Variants in PALM2AKAP2 observed in about 807,000 individuals in gnomAD.
The protein encoded by PALM2AKAP2 is PALM2-AKAP2 fusion protein.
Under a neutral mutation model 71.5 loss-of-function variants are expected in PALM2AKAP2, and 37 were observed. That is an observed-to-expected ratio of 0.52 (90% confidence interval 0.40 to 0.68). The LOEUF is 0.68. Among genes scored for constraint, PALM2AKAP2 ranks in the 30% least tolerant of loss-of-function variants. The pLI, the probability that PALM2AKAP2 is intolerant of heterozygous loss-of-function variation, is 0.00. For missense variants in PALM2AKAP2, 1,224 were observed against 1,191.8 expected (o/e 1.03, Z -0.40); for synonymous variants, 468 against 478.8 (o/e 0.98, Z 0.29).
chr9:109,971,529 G>T (rs1832069062), intron 6 of PALM2AKAP2, among the ~76,000 whole-genome samples: 1 of 151,892 alleles, frequency 6.6e-6, no homozygotes, highest in African/African-American at 2.4e-5. Flanking sequence ...GGCTTCAAGC[G>T]ATTCTCCTGT....
intron 1 of PALM2AKAP2, among the ~76,000 whole-genome samples, chr9:109,644,715 C>A (rs947625091): frequency 6.6e-6 from 1 of 152,160 alleles, no homozygotes; most frequent in African/African-American, 2.4e-5. Context: ...GAATTTCTTC[C>A]ACCAGATGCC....
At chr9:110,146,494 A>G (rs1230216676) in intron 2 of PALM2AKAP2, among the ~76,000 whole-genome samples, 1 of 152,192 alleles carries the variant, frequency 6.6e-6, no homozygotes, top group Non-Finnish European at 1.5e-5. Context: ...CTTATGAGGA[A>G]TCAGACTCAG....
At chr9:109,877,544 G>A (rs984553276) in intron 2 of PALM2AKAP2, among the ~76,000 whole-genome samples, 8 of 152,128 alleles carry the variant, frequency 5.3e-5, no homozygotes, top group African/African-American at 1.9e-4. Context: ...TATTTTACTT[G>A]TTCTTTCTTA....
rs943328970 is a variant in PALM2AKAP2 at position 109,716,399 on chromosome 9, G to T, written c.6-64089G>T. On this transcript the variant is annotated intron_variant, in intron 1 of 6. Coordinates refer to the PALM2AKAP2 transcript ENST00000374531. ...TCTATTGTCTGGATCCACTCATTAGGCTGGAGAAGGGTTACCAGATAAAAT... is the reference window on the plus strand; with the variant it reads ...TCTATTGTCTGGATCCACTCATTAGTCTGGAGAAGGGTTACCAGATAAAAT... Among the ~76,000 whole-genome samples the T allele has an allele frequency of 2.6e-5, 4 of 152,178 alleles. No individual in the cohort carries two copies. In the East Asian group the frequency reaches 7.7e-4, roughly 29 times the overall value.
chr9:109,844,035 C>G (rs2131597801), intron 1 of PALM2AKAP2, among the ~76,000 whole-genome samples: 1 of 152,356 alleles, frequency 6.6e-6, no homozygotes, highest in East Asian at 1.9e-4. Context: ...CTTTCTCAAA[C>G]TGCCTTTTGA....
At chr9:109,849,150 G>A (rs1412660596) in intron 1 of PALM2AKAP2, among the ~76,000 whole-genome samples, 2 of 152,210 alleles carry the variant, frequency 1.3e-5, no homozygotes, top group South Asian at 2.1e-4. Context: ...CACAAAGTAT[G>A]TTATTTCCTA....
chr9:109,883,996 C>T (rs1461580728), intron 3 of PALM2AKAP2, among the ~76,000 whole-genome samples: 1 of 152,154 alleles, frequency 6.6e-6, no homozygotes, highest in Non-Finnish European at 1.5e-5. Flanking sequence ...AAGCCCAAAA[C>T]CAAGGGAAGA....
intron 1 of PALM2AKAP2, among the ~76,000 whole-genome samples, chr9:109,855,854 A>G (rs1829148806): frequency 6.6e-6 from 1 of 152,256 alleles, no homozygotes; most frequent in Admixed American, 6.5e-5. Context: ...TGATGGAATT[A>G]TAATAGACTT....
At chr9:109,823,267 A>G (rs1828059414) in intron 1 of PALM2AKAP2, among the ~76,000 whole-genome samples, 1 of 152,140 alleles carries the variant, frequency 6.6e-6, no homozygotes, top group Non-Finnish European at 1.5e-5. Context: ...CCAACCAGAG[A>G]TGGTCAAATG....
intron 6 of PALM2AKAP2, chr9:109,945,784 G>A (rs2132056525): frequency 6.6e-6 from 1 of 152,276 alleles, no homozygotes; most frequent in South Asian, 2.1e-4. Context: ...ATAATTCCCT[G>A]AAGGGACCTA....
chr9:109,975,475 G>T (rs921282730), intron 6 of PALM2AKAP2, among the ~76,000 whole-genome samples: 3 of 152,190 alleles, frequency 2.0e-5, no homozygotes, highest in Non-Finnish European at 4.4e-5. Flanking sequence ...CCAATTCAAT[G>T]CTAATCTCTT....
At chr9:110,162,881 A>T (rs1836636866) in intron 3 of PALM2AKAP2, among the ~76,000 whole-genome samples, 2 of 151,386 alleles carry the variant, frequency 1.3e-5, no homozygotes, top group African/African-American at 4.9e-5. Context: ...TTATTTTTTT[A>T]TATTTTTTTT....
At chr9:109,712,020 TGA>T (rs1018037077) in intron 1 of PALM2AKAP2, among the ~76,000 whole-genome samples, 11 of 149,526 alleles carry the variant, frequency 7.4e-5, no homozygotes, top group South Asian at 4.2e-4. Context: ...TGTGTGTGTG[TGA>T]GCAACTCACC....
chr9:109,990,327 T>A (rs1239183700), intron 6 of PALM2AKAP2, among the ~76,000 whole-genome samples: 1 of 152,174 alleles, frequency 6.6e-6, no homozygotes, highest in Non-Finnish European at 1.5e-5. Context: ...CCCAAAGCGC[T>A]GGGACTACAG....
intron 1 of PALM2AKAP2, among the ~76,000 whole-genome samples, chr9:109,726,414 A>T (rs989645965): frequency 1.3e-5 from 2 of 152,206 alleles, no homozygotes; most frequent in Admixed American, 1.3e-4. Flanking sequence ...TACTGCGTTC[A>T]GTGGTGGGGC....
chr9:109,676,019 A>G (rs1281767142), intron 1 of PALM2AKAP2, among the ~76,000 whole-genome samples: 1 of 152,304 alleles, frequency 6.6e-6, no homozygotes, highest in South Asian at 2.1e-4. Flanking sequence ...AACATCCCAA[A>G]TTGAGACAAA....
At chr9:110,123,007 C>T (rs61699599) in intron 1 of PALM2AKAP2, among the ~76,000 whole-genome samples, 1 of 152,204 alleles carries the variant, frequency 6.6e-6, no homozygotes, top group South Asian at 2.1e-4. Context: ...CTCCCTCTGC[C>T]TCTGAGTATA....
chr9:110,014,851 T>TATAC (rs1564260745), intron 6 of PALM2AKAP2, among the ~76,000 whole-genome samples: 4 of 89,534 alleles, frequency 4.5e-5, no homozygotes, highest in African/African-American at 8.4e-5. Context: ...TATATATATA[T>TATAC]ACACACACAC....
In PALM2AKAP2 at chr9:110,001,876, CTT is replaced by C. The variant is rs918933213; in HGVS notation, c.497-14076_497-14075del. Among the ~76,000 whole-genome samples the C allele has an allele frequency of 8.8e-4, 129 of 146,822 alleles. 1 individual carries two copies. The highest frequency in any genetic ancestry group is 3.5e-3 in the African/African-American group (126 of 36,368). ...TGCACATTGATTTTGTATCCTGAGA[CTT>C]TGCTGAAATTGCTTATCAGCTTAAG... is the stretch of plus-strand genomic sequence containing the variant. On this transcript the variant is annotated intron_variant, in intron 6 of 9. Coordinates refer to the PALM2AKAP2 transcript ENST00000302798.
Sources: allele counts gnomAD v4.1 joint callset (sites outside exome capture counted in the v4.1 genomes callset), GRCh38; gene constraint gnomAD v4.1.1; transcripts MANE v1.5; gene names NCBI Gene and HGNC (gene_info 2026-07-23, HGNC 2026-07-21).